The following NDST3 variants were observed in gnomAD, a reference collection of about 807,000 sequenced individuals.
NDST3 encodes N-deacetylase and N-sulfotransferase 3, also known as bifunctional heparan sulfate N-deacetylase/N-sulfotransferase 3.
NDST3 carries 58 observed loss-of-function variants against 96.1 expected under a neutral mutation model. The ratio of observed to expected loss-of-function variants is 0.60; its 90% CI spans 0.49 to 0.75. The LOEUF (loss-of-function observed/expected upper bound fraction) is 0.75. NDST3 is among the 30% of genes least tolerant of loss of function. The probability of loss-of-function intolerance (pLI) is 0.00; values close to 1 mark genes in which losing one functional copy is unlikely to be tolerated. For missense variants in NDST3, 788 were observed against 1,034.2 expected, an observed-to-expected ratio of 0.76 and a Z score of 3.27; for synonymous variants, 333 against 359.7, an observed-to-expected ratio of 0.93 and a Z score of 0.84.
intron 5 of NDST3, among the ~76,000 whole-genome samples, chr4:118,141,524 G>C (rs1733571734): frequency 6.6e-6 from 1 of 152,124 alleles, no homozygotes; most frequent in South Asian, 2.1e-4. Context: ...TCACTGCATT[G>C]AAATTCAAAT....
chr4:118,146,627 G>T (rs563335056), intron 6 of NDST3, among the ~76,000 whole-genome samples: 1 of 152,286 alleles, frequency 6.6e-6, no homozygotes, highest in African/African-American at 2.4e-5. Flanking sequence ...TCATGTAAAA[G>T]AAAGAAGTAT....
chr4:118,147,967 C>G (rs1424171289), intron 6 of NDST3, among the ~76,000 whole-genome samples: 1 of 152,090 alleles, frequency 6.6e-6, no homozygotes, highest in Non-Finnish European at 1.5e-5. Flanking sequence ...CAGTGCTTAC[C>G]TATTAATCCA....
intron 6 of NDST3, among the ~76,000 whole-genome samples, chr4:118,196,204 A>G (rs1042741174): frequency 1.3e-5 from 2 of 152,210 alleles, no homozygotes; most frequent in Non-Finnish European, 2.9e-5. Context: ...CCACTTGGTC[A>G]TGATGAATGA....
intron 6 of NDST3, among the ~76,000 whole-genome samples, chr4:118,202,237 G>A (rs971429048): frequency 1.3e-5 from 2 of 152,022 alleles, no homozygotes; most frequent in Non-Finnish European, 2.9e-5. Context: ...CTTATATAGT[G>A]TAGCCTTGAA....
intron 6 of NDST3, among the ~76,000 whole-genome samples, chr4:118,175,986 A>G (rs1334127431): frequency 1.3e-5 from 2 of 152,110 alleles, no homozygotes; most frequent in Non-Finnish European, 2.9e-5. Context: ...TTTAGCCAAC[A>G]CATTGCACAT....
chr4:118,073,733 CA>C (rs1469396262), intron 2 of NDST3, among the ~76,000 whole-genome samples: 1 of 150,216 alleles, frequency 6.7e-6, no homozygotes, highest in Non-Finnish European at 1.5e-5. Context: ...TTCATTTTTT[CA>C]CATCTCAGTT....
At chr4:118,116,867 A>G (rs886868382) in intron 4 of NDST3, among the ~76,000 whole-genome samples, 27 of 149,478 alleles carry the variant, frequency 1.8e-4, no homozygotes, top group African/African-American at 6.6e-4. Context: ...CAAAAAAAGA[A>G]AAAAAAAAAA....
chr4:118,135,694 C>G (rs1360103070), intron 4 of NDST3, among the ~76,000 whole-genome samples: 1 of 152,054 alleles, frequency 6.6e-6, no homozygotes, highest in African/African-American at 2.4e-5. Context: ...TGCTACTATG[C>G]CACACTGCAC....
At chr4:118,249,365 T>C (rs1435369774) in intron 12 of NDST3, among the ~76,000 whole-genome samples, 1 of 152,190 alleles carries the variant, frequency 6.6e-6, no homozygotes, top group Non-Finnish European at 1.5e-5. Context: ...ATGAAAAATA[T>C]TACATCAATC....
At chr4:118,220,526 GT>G (rs1415658407) in intron 6 of NDST3, among the ~76,000 whole-genome samples, 2 of 151,888 alleles carry the variant, frequency 1.3e-5, no homozygotes, top group Non-Finnish European at 2.9e-5. Flanking sequence ...TAGATGATGG[GT>G]TGATAGGCAG....
chr4:118,249,446 T>C (rs1741515237), intron 12 of NDST3, among the ~76,000 whole-genome samples: 1 of 152,228 alleles, frequency 6.6e-6, no homozygotes, highest in African/African-American at 2.4e-5. Flanking sequence ...AATAATACAG[T>C]CTTTATTAAT....
At chr4:118,192,612 T>C (rs762457612) in intron 6 of NDST3, among the ~76,000 whole-genome samples, 25 of 152,226 alleles carry the variant, frequency 1.6e-4, no homozygotes, top group Non-Finnish European at 2.9e-4. Flanking sequence ...AATTTGTTTC[T>C]GGGTTCTCTA....
Position 118,105,134 on chromosome 4 carries a change from T to C in NDST3, c.1069+29T>C, listed in dbSNP as rs540269769. On this transcript the variant is annotated intron_variant, in intron 3 of 13. Coordinates refer to ENST00000296499, the MANE Select transcript of NDST3 (RefSeq NM_004784.3). The stretch of plus-strand genomic sequence containing the variant: ...AGAAAAAGGGATTAACTGTTCTCAT[T>C]AAGGCTTCTCTGATCACTCTATTTA... 2.2e-5 allele frequency: 33 copies of C among 1,534,172 alleles called. No homozygotes were observed. The South Asian group carries it at 3.3e-4, about 15-fold the overall frequency.
Position 118,240,620 on chromosome 4 carries a change from C to A in NDST3, c.2215C>A (p.Gln739Lys). Residue 739 changes from glutamine to lysine, a missense_variant, in exon 11 of 14, where the codon CAG becomes AAG. Gln to Lys is a moderately conservative substitution (Grantham distance 53, BLOSUM62 1). Around this residue, in one of 3 missense-constraint regions of NDST3, gnomAD observed 490 missense variants for 708.8 expected, o/e 0.69. Transcript: ENST00000296499. ...PRAPSELRAL[Q>K]KRCLVPGWYA... Reference sequence around the variant, plus strand: ...TGCACCCTCGGAGCTCAGAGCCTTGCAGAAGAGATGTTTGGTCCCGGGGTG... The same window carrying A: ...TGCACCCTCGGAGCTCAGAGCCTTGAAGAAGAGATGTTTGGTCCCGGGGTG... 8 of 1,613,892 alleles carry A rather than the reference C, an allele frequency of 5.0e-6. No individual in the cohort carries two copies. Among genetic ancestry groups the A allele is most frequent in the Non-Finnish European group, 6.8e-6 (8 of 1,179,934 alleles).
At chr4:118,226,379 T>G (rs1739881736) in intron 7 of NDST3, among the ~76,000 whole-genome samples, 1 of 152,196 alleles carries the variant, frequency 6.6e-6, no homozygotes, top group Non-Finnish European at 1.5e-5. Flanking sequence ...AGATATACAT[T>G]TATCAACCTT....
chr4:118,182,681 A>C (rs903306401), intron 6 of NDST3, among the ~76,000 whole-genome samples: 11 of 152,202 alleles, frequency 7.2e-5, no homozygotes, highest in Non-Finnish European at 1.6e-4. Flanking sequence ...ACTTTCCTAA[A>C]ATGGAACAGA....
At chr4:118,074,426 T>G (rs1727330139) in intron 2 of NDST3, among the ~76,000 whole-genome samples, 1 of 152,212 alleles carries the variant, frequency 6.6e-6, no homozygotes, top group South Asian at 2.1e-4. Context: ...ATCTGGGTGC[T>G]CTACTGTTAG....
At chr4:118,249,920 A>G (rs1044030328) in intron 12 of NDST3, among the ~76,000 whole-genome samples, 7 of 152,190 alleles carry the variant, frequency 4.6e-5, no homozygotes, top group African/African-American at 1.7e-4. Context: ...AAATTTAATC[A>G]TGCTCCGCTG....
chr4:118,249,680 C>T (rs1264607536), intron 12 of NDST3, among the ~76,000 whole-genome samples: 2 of 151,308 alleles, frequency 1.3e-5, no homozygotes, highest in South Asian at 4.2e-4. Flanking sequence ...TTTCATAGGG[C>T]TAGAGTTATA....
Sources: gnomAD v4.1 joint callset for allele counts (sites outside exome capture counted in the v4.1 genomes callset) on GRCh38, gnomAD v4.1.1 for gene constraint, gnomAD v4.1.1 regional missense constraint, MANE v1.5 for transcripts, NCBI Gene and HGNC (gene_info 2026-07-23, HGNC 2026-07-21) for gene names.